CUL1: variants seen among roughly 807,000 people sequenced by gnomAD.
CUL1 encodes cullin-1.
A neutral mutation model predicts 118.0 loss-of-function variants in CUL1; 24 were observed. That is an observed-to-expected ratio of 0.20 (90% CI 0.15 to 0.29). The LOEUF (loss-of-function observed/expected upper bound fraction) is 0.29, where lower values mean the gene tolerates loss of function less well. CUL1 is among the 10% of genes least tolerant of loss of function. CUL1 has a pLI of 1.00. For synonymous variants in CUL1, 332 were observed against 340.4 expected (o/e 0.98, Z 0.27); for missense variants, 361 against 933.8 (o/e 0.39, Z 7.99).
In CUL1 at chr7:148,784,072, G is replaced by A. The variant is rs962313710; in HGVS notation, c.1293G>A (p.Lys431=). Residue 431 remains lysine (K), a synonymous_variant, in exon 11 of 22, where the codon AAG becomes AAA. Coordinates refer to ENST00000325222, the MANE Select transcript of CUL1 (RefSeq NM_003592.3). The stretch of plus-strand genomic sequence containing the variant: ...CTCGATACTGTGACTCCTTGTTGAA[G>A]AAAAGGTATTAAATGACCCTATGTT... ...LLARYCDSLL[K]KSSKNPEEAE... 1.2e-6 allele frequency: 2 copies of A among 1,612,250 alleles called. No homozygotes were observed. Among genetic ancestry groups the A allele is most frequent in the Non-Finnish European group, 1.7e-6 (2 of 1,178,306 alleles).
chr7:148,703,856 T>TGGGG (rs1797797460), intron 1 of CUL1, among the ~76,000 whole-genome samples: 1 of 152,136 alleles, frequency 6.6e-6, no homozygotes, highest in Non-Finnish European at 1.5e-5. Context: ...GTAGTAAAAA[T>TGGGG]GGCTGTCATT....
At chr7:148,745,329 A>G (rs536875556) in intron 2 of CUL1, among the ~76,000 whole-genome samples, 6 of 152,262 alleles carry the variant, frequency 3.9e-5, no homozygotes, top group Admixed American at 2.6e-4. Context: ...ATTTGGGTCA[A>G]CTACAGCTGG....
Position 148,787,251 on chromosome 7 carries a change from A to G in CUL1, c.1479+131A>G, listed in dbSNP as rs1333559435. ...GCCGAGGCGGGCAGATCACGAGGTC[A>G]GGAGATCGAGACCATCCTGGCTAAT... On this transcript the variant is annotated intron_variant, in intron 13 of 21. Transcript: ENST00000325222. This position sits in a 1 kb window ranked among gnomAD's most constrained non-coding sequence, Gnocchi z 5.5. The G allele has an allele frequency of 2.5e-6, 2 of 795,190 alleles. No individual in the cohort carries two copies. Among genetic ancestry groups the G allele is most frequent in the Non-Finnish European group, 3.9e-6 (2 of 512,152 alleles). 49.3% of individuals were successfully genotyped at this position (795,190 alleles called of 1,614,324 possible).
intron 7 of CUL1, among the ~76,000 whole-genome samples, chr7:148,765,867 T>C (rs1379357076): frequency 6.6e-6 from 1 of 152,200 alleles, no homozygotes; most frequent in Non-Finnish European, 1.5e-5. Context: ...TAGTTTTTAA[T>C]CTAAAGTACC....
At chr7:148,797,890 A>G (rs760025953) in intron 18 of CUL1, 31 bp downstream of exon 18, 3 of 1,610,594 alleles carry the variant, frequency 1.9e-6, no homozygotes, top group Non-Finnish European at 2.5e-6. Flanking sequence ...CTTACACTAG[A>G]AGAAGCCTTT....
chr7:148,735,091 AT>A (rs1798895309), intron 2 of CUL1, among the ~76,000 whole-genome samples: 1 of 152,184 alleles, frequency 6.6e-6, no homozygotes, highest in Non-Finnish European at 1.5e-5. Context: ...AGATTGGTTG[AT>A]TTGAGAATCA....
At chr7:148,759,035 G>T (rs966390749) in intron 4 of CUL1, among the ~76,000 whole-genome samples, 1 of 152,098 alleles carries the variant, frequency 6.6e-6, no homozygotes, top group East Asian at 1.9e-4. Flanking sequence ...AAATCATTAC[G>T]GTTTTTAAAC....
chr7:148,790,274 G>T (rs768191878), intron 15 of CUL1, 36 bp from the exon 16 acceptor site: 1 of 1,611,156 alleles, frequency 6.2e-7, no homozygotes, highest in Non-Finnish European at 8.5e-7. Context: ...GATGTGGTGA[G>T]ATCTGTATTC....
At chr7:148,792,469 A>T (rs1801047689) in intron 16 of CUL1, among the ~76,000 whole-genome samples, 1 of 152,252 alleles carries the variant, frequency 6.6e-6, no homozygotes, top group Admixed American at 6.5e-5. Flanking sequence ...CCACATAGAC[A>T]ATACGTTTTT....
chr7:148,701,208 G>C (rs243547), intron 1 of CUL1, among the ~76,000 whole-genome samples: 93,037 of 151,918 alleles, frequency 0.61, 29,994 homozygotes, highest in African/African-American at 0.82. Context: ...GAAAACATGC[G>C]CTGATTTTTG....
Position 148,800,363 on chromosome 7 carries a change from A to G in CUL1, c.2251-139A>G, listed in dbSNP as rs2129464055. ...AGGAAGTAAAACTCTATGCTAACAG[A>G]TCTGGGGCGGGGACACTGCTCCCCA... is the stretch of plus-strand genomic sequence containing the variant. On this transcript the variant is annotated intron_variant, in intron 21 of 21. Transcript: ENST00000325222. The surrounding 1 kb of genome is among the most constrained non-coding windows in gnomAD (Gnocchi z 4.6). The G allele has an allele frequency of 1.8e-5, 12 of 657,198 alleles. No individual in the cohort carries two copies. The South Asian group carries it at 2.2e-4, about 12-fold the overall frequency. 40.7% of individuals were successfully genotyped at this position (657,198 alleles called of 1,614,324 possible).
At chr7:148,738,887 C>CG (rs1799048200) in intron 2 of CUL1, among the ~76,000 whole-genome samples, 1 of 152,044 alleles carries the variant, frequency 6.6e-6, no homozygotes, top group African/African-American at 2.4e-5. Flanking sequence ...TTCTACTCTT[C>CG]TAAAGTAAAT....
chr7:148,740,976 T>A (rs1229514051), intron 2 of CUL1, among the ~76,000 whole-genome samples: 1 of 152,266 alleles, frequency 6.6e-6, no homozygotes, highest in Non-Finnish European at 1.5e-5. Flanking sequence ...TTGTCTGGTA[T>A]TTTGTTATGG....
intron 17 of CUL1, among the ~76,000 whole-genome samples, chr7:148,796,216 C>G (rs1801192937): frequency 6.6e-6 from 1 of 152,104 alleles, no homozygotes; most frequent in Admixed American, 6.6e-5. Context: ...TGTATTTTGT[C>G]AAAATGCTTT....
intron 1 of CUL1, among the ~76,000 whole-genome samples, chr7:148,726,165 T>A (rs761807250): frequency 6.6e-6 from 1 of 152,202 alleles, no homozygotes; most frequent in Non-Finnish European, 1.5e-5. Flanking sequence ...AGATTCATAA[T>A]TGGAATCAGA....
intron 1 of CUL1, among the ~76,000 whole-genome samples, chr7:148,727,937 A>T (rs1798640039): frequency 6.6e-6 from 1 of 152,152 alleles, no homozygotes; most frequent in South Asian, 2.1e-4. Context: ...CCTATTCAGA[A>T]TTAGGATGAC....
chr7:148,790,794 G>A (rs546970293), intron 16 of CUL1, among the ~76,000 whole-genome samples: 1 of 152,288 alleles, frequency 6.6e-6, no homozygotes, highest in East Asian at 1.9e-4. Flanking sequence ...TCAAAAGCTG[G>A]AGTTGCATGC....
intron 1 of CUL1, among the ~76,000 whole-genome samples, chr7:148,721,680 A>G (rs1241507757): frequency 1.3e-5 from 2 of 152,166 alleles, no homozygotes; most frequent in Non-Finnish European, 2.9e-5. Flanking sequence ...TTTAAAATTA[A>G]TCTTAGATAT....
At chr7:148,718,665 G>A (rs998119508) in intron 1 of CUL1, among the ~76,000 whole-genome samples, 1 of 152,118 alleles carries the variant, frequency 6.6e-6, no homozygotes. Context: ...CCACTTTGGG[G>A]CTATTATAAA....
Sources: allele counts gnomAD v4.1 joint callset (sites outside exome capture counted in the v4.1 genomes callset), GRCh38; gene constraint gnomAD v4.1.1; non-coding constraint Gnocchi (gnomAD v3.1); transcripts MANE v1.5; gene names NCBI Gene and HGNC (gene_info 2026-07-23, HGNC 2026-07-21).